The following AUTS2 variants were observed in gnomAD, a reference collection of about 807,000 sequenced individuals.
AUTS2 encodes the protein autism susceptibility gene 2 protein.
In AUTS2, 17 loss-of-function variants were observed where a neutral mutation model predicts 112.4. The observed-to-expected ratio is 0.15, with a 90% CI of 0.10 to 0.23. The LOEUF (loss-of-function observed/expected upper bound fraction) is 0.23, where lower values mean the gene tolerates loss of function less well. Ranked by LOEUF, AUTS2 falls within the 10% of genes least tolerant of loss-of-function variation. The pLI is 1.00. For synonymous variants in AUTS2, 751 were observed against 702.7 expected (o/e 1.07, Z -1.09); for missense variants, 1,510 against 1,701.6 (o/e 0.89, Z 1.98).
In AUTS2 at chr7:69,814,735, G is replaced by A. The variant is rs554984016; in HGVS notation, c.310-84551G>A. ...TGCAGGAACTTTGTGTGTGCACAGC[G>A]TGTGCCCAGCGGTATGGGCGAATGG... On this transcript the variant is annotated intron_variant, in intron 1 of 18. Coordinates refer to ENST00000342771, the MANE Select transcript of AUTS2 (RefSeq NM_015570.4). Among the ~76,000 whole-genome samples, 45 of 152,360 alleles carry A rather than the reference G, an allele frequency of 3.0e-4. No homozygotes were observed. In the South Asian group the frequency reaches 8.7e-3, roughly 29 times the overall value.
At chr7:70,134,116 G>A (rs986836804) in intron 3 of AUTS2, among the ~76,000 whole-genome samples, 1 of 152,118 alleles carries the variant, frequency 6.6e-6, no homozygotes, top group African/African-American at 2.4e-5. Context: ...GTCAATCTGG[G>A]CTTTTTCCTC....
chr7:70,761,318 A>G (rs543643877), intron 6 of AUTS2, among the ~76,000 whole-genome samples: 1 of 152,316 alleles, frequency 6.6e-6, no homozygotes, highest in East Asian at 1.9e-4. Flanking sequence ...CCCCACCTCT[A>G]AAACAAAAAA....
At chr7:70,529,367 G>T (rs1204013807) in intron 5 of AUTS2, among the ~76,000 whole-genome samples, 1 of 152,210 alleles carries the variant, frequency 6.6e-6, no homozygotes, top group East Asian at 1.9e-4. Flanking sequence ...AGGACAGATA[G>T]AGTGACTCTC....
At chr7:70,167,404 G>A (rs771146291) in intron 4 of AUTS2, among the ~76,000 whole-genome samples, 19 of 151,926 alleles carry the variant, frequency 1.3e-4, no homozygotes, top group Non-Finnish European at 2.5e-4. Context: ...CAATAACAGA[G>A]CTTCAGAATA....
intron 1 of AUTS2, among the ~76,000 whole-genome samples, chr7:69,766,671 A>G (rs1288394465): frequency 6.6e-6 from 1 of 152,120 alleles, no homozygotes; most frequent in Non-Finnish European, 1.5e-5. Flanking sequence ...GCTTTGACAC[A>G]CCTCAGCCAC....
At chr7:70,444,097 G>C (rs931889325) in intron 5 of AUTS2, among the ~76,000 whole-genome samples, 1 of 152,154 alleles carries the variant, frequency 6.6e-6, no homozygotes, top group Admixed American at 6.5e-5. Flanking sequence ...CCAAGGAGGA[G>C]GCTGGGGGAG....
Position 70,542,338 on chromosome 7 carries a change from C to T in AUTS2, c.690+106557C>T, listed in dbSNP as rs1346799009. ...ACGTAGTAGGTTAGTGGCAGAGTTGCACCTAGACCCCAAGTATCTGAACTC... is the reference window on the plus strand; with the variant it reads ...ACGTAGTAGGTTAGTGGCAGAGTTGTACCTAGACCCCAAGTATCTGAACTC... On this transcript the variant is annotated intron_variant, in intron 5 of 18. Transcript: ENST00000342771. Among the ~76,000 whole-genome samples, 6 of 152,314 alleles carry T rather than the reference C, an allele frequency of 3.9e-5. No homozygotes were observed. The East Asian group carries it at 1.2e-3, about 29-fold the overall frequency.
intron 4 of AUTS2, among the ~76,000 whole-genome samples, chr7:70,370,861 A>T (rs1344973990): frequency 6.6e-6 from 1 of 151,290 alleles, no homozygotes; most frequent in African/African-American, 2.4e-5. Flanking sequence ...TATTATAGCC[A>T]TTATTCTAGT....
intron 5 of AUTS2, among the ~76,000 whole-genome samples, chr7:70,605,971 C>T (rs1585366702): frequency 1.3e-5 from 2 of 152,320 alleles, no homozygotes; most frequent in East Asian, 3.9e-4. Flanking sequence ...CACAGCAGGT[C>T]ATTTCAGCAG....
chr7:70,451,869 G>T (rs1719613396), intron 5 of AUTS2, among the ~76,000 whole-genome samples: 1 of 152,156 alleles, frequency 6.6e-6, no homozygotes. Context: ...AAGGAAACTG[G>T]AATGGAATCA....
chr7:69,896,717 A>G (rs185860754), intron 1 of AUTS2, among the ~76,000 whole-genome samples: 69 of 152,296 alleles, frequency 4.5e-4, no homozygotes, highest in Admixed American at 7.8e-4. Context: ...TGCCTGGTTT[A>G]TGTGAAGTAC....
intron 6 of AUTS2, among the ~76,000 whole-genome samples, chr7:70,710,967 C>A (rs1810015907): frequency 6.6e-6 from 1 of 152,208 alleles, no homozygotes; most frequent in South Asian, 2.1e-4. Flanking sequence ...TTGATTTCTA[C>A]CCCCATGGGA....
intron 2 of AUTS2, among the ~76,000 whole-genome samples, chr7:69,956,633 TA>T: frequency 6.6e-6 from 1 of 152,166 alleles, no homozygotes; most frequent in Admixed American, 6.5e-5. Flanking sequence ...AGGAAGAGAT[TA>T]AATGTTGCTG....
intron 4 of AUTS2, chr7:70,290,331 T>G: frequency 6.8e-7 from 1 of 1,461,478 alleles, no homozygotes; most frequent in Non-Finnish European, 9.0e-7. Flanking sequence ...TTTAACATTC[T>G]TTTGAATCAT....
At chr7:69,741,579 C>G (rs1431324508) in intron 1 of AUTS2, among the ~76,000 whole-genome samples, 1 of 151,916 alleles carries the variant, frequency 6.6e-6, no homozygotes, top group Non-Finnish European at 1.5e-5. Flanking sequence ...GTGGCATGCA[C>G]CTGTATTCCT....
chr7:69,862,363 G>T (rs991277651), intron 1 of AUTS2, among the ~76,000 whole-genome samples: 3 of 152,152 alleles, frequency 2.0e-5, no homozygotes, highest in African/African-American at 7.2e-5. Context: ...ATGGAATAAA[G>T]GAAATGAAAA....
intron 4 of AUTS2, among the ~76,000 whole-genome samples, chr7:70,166,579 A>C: frequency 6.6e-6 from 1 of 152,174 alleles, no homozygotes; most frequent in East Asian, 1.9e-4. Context: ...TTAAGAACGT[A>C]TATTGTGAAT....
intron 4 of AUTS2, among the ~76,000 whole-genome samples, chr7:70,406,106 G>A (rs1488861959): frequency 1.3e-5 from 2 of 152,128 alleles, no homozygotes; most frequent in South Asian, 4.1e-4. Flanking sequence ...TGAAAGAGAA[G>A]CATAAAATAG....
intron 4 of AUTS2, among the ~76,000 whole-genome samples, chr7:70,359,281 GT>G (rs1792149886): frequency 6.6e-6 from 1 of 152,176 alleles, no homozygotes. Flanking sequence ...TAATTGCGTT[GT>G]TGTTGTTAGT....
Sources: gnomAD v4.1 joint callset for allele counts (sites outside exome capture counted in the v4.1 genomes callset) on GRCh38, gnomAD v4.1.1 for gene constraint, MANE v1.5 for transcripts, NCBI Gene and HGNC (gene_info 2026-07-23, HGNC 2026-07-21) for gene names.